MEI4: variants seen among roughly 807,000 people sequenced by gnomAD.
MEI4 encodes meiotic double-stranded break formation protein 4, also known as meiosis-specific protein MEI4.
MEI4 carries 27 observed loss-of-function variants against 31.4 expected under a neutral mutation model. That is an observed-to-expected ratio of 0.86 (90% CI 0.63 to 1.19). The LOEUF (loss-of-function observed/expected upper bound fraction) is 1.19, where lower values mean the gene tolerates loss of function less well. Ranked by LOEUF, MEI4 falls within the 50% of genes most tolerant of loss-of-function variation. MEI4 has a pLI of 0.00. For missense variants in MEI4, 329 were observed against 398.9 expected (o/e 0.82, Z 1.49); for synonymous variants, 122 against 145.4 (o/e 0.84, Z 1.16).
intron 4 of MEI4, among the ~76,000 whole-genome samples, chr6:77,864,645 C>T (rs1342191152): frequency 2.0e-5 from 3 of 152,112 alleles, no homozygotes; most frequent in Non-Finnish European, 4.4e-5. Context: ...GACTTTAAAA[C>T]CCCACTGTCA....
chr6:77,735,618 C>T (rs1767171809), intron 2 of MEI4, among the ~76,000 whole-genome samples: 2 of 152,042 alleles, frequency 1.3e-5, no homozygotes, highest in Admixed American at 1.3e-4. Context: ...TTGTCTGAAG[C>T]CTTCTTCTCT....
chr6:77,774,002 G>T (rs1005713575), intron 3 of MEI4, among the ~76,000 whole-genome samples: 1 of 151,962 alleles, frequency 6.6e-6, no homozygotes, highest in African/African-American at 2.4e-5. Flanking sequence ...TTATTAAAAA[G>T]ACAGATAATG....
chr6:77,741,025 T>C lies in MEI4; in HGVS notation c.233-20105T>C, dbSNP rs61442678. Among the ~76,000 whole-genome samples the C allele has an allele frequency of 5.9e-3, 898 of 152,202 alleles. 11 individuals are homozygous for C. Among genetic ancestry groups the C allele is most frequent in the African/African-American group, 0.021 (863 of 41,524 alleles). Reference sequence around the variant, plus strand: ...AGATAGCATAGACAGGGGAGATACTTTTTTTGTCTGGAGAGAGCAGGGATG... The same window carrying C: ...AGATAGCATAGACAGGGGAGATACTCTTTTTGTCTGGAGAGAGCAGGGATG... On this transcript the variant is annotated intron_variant, in intron 2 of 4. Coordinates refer to ENST00000684080, the MANE Select transcript of MEI4 (RefSeq NM_001322247.2).
chr6:77,698,449 T>G (rs1582035247), intron 2 of MEI4, among the ~76,000 whole-genome samples: 1 of 152,294 alleles, frequency 6.6e-6, no homozygotes, highest in African/African-American at 2.4e-5. Flanking sequence ...AGGAGCTCTT[T>G]TAGGGCAGGC....
intron 3 of MEI4, among the ~76,000 whole-genome samples, chr6:77,803,743 A>T (rs1405433102): frequency 6.6e-6 from 1 of 152,128 alleles, no homozygotes; most frequent in African/African-American, 2.4e-5. Flanking sequence ...TCCACTCCAG[A>T]CCCTGTTTGC....
chr6:77,910,629 C>G (rs1270298840), intron 4 of MEI4, among the ~76,000 whole-genome samples: 2 of 151,980 alleles, frequency 1.3e-5, no homozygotes, highest in Non-Finnish European at 2.9e-5. Context: ...GCCATACAGC[C>G]CAAAGTAATT....
At chr6:77,799,109 G>A (rs376400953) in intron 3 of MEI4, among the ~76,000 whole-genome samples, 32 of 152,198 alleles carry the variant, frequency 2.1e-4, no homozygotes, top group Middle Eastern at 3.4e-3. Context: ...AGTCCCACCA[G>A]CAGTGTCAAA....
chr6:77,856,470 G>T (rs1470464345), intron 4 of MEI4, among the ~76,000 whole-genome samples: 2 of 152,118 alleles, frequency 1.3e-5, no homozygotes, highest in African/African-American at 4.8e-5. Flanking sequence ...GGAAGGACAG[G>T]CTTCATGAAA....
chr6:77,900,365 G>T (rs941387477), intron 4 of MEI4, among the ~76,000 whole-genome samples: 14 of 151,876 alleles, frequency 9.2e-5, no homozygotes, highest in South Asian at 2.1e-4. Flanking sequence ...AAATATAGTT[G>T]TAACTTTTTA....
intron 2 of MEI4, among the ~76,000 whole-genome samples, chr6:77,718,877 CTT>C (rs1766647447): frequency 1.5e-5 from 2 of 137,164 alleles, no homozygotes; most frequent in Non-Finnish European, 3.2e-5. Flanking sequence ...CTTACGATCT[CTT>C]GTTTCTAAAG....
intron 2 of MEI4, among the ~76,000 whole-genome samples, chr6:77,760,325 G>A (rs953814234): frequency 1.3e-5 from 2 of 151,980 alleles, no homozygotes; most frequent in Admixed American, 6.6e-5. Context: ...TTTTATGTGT[G>A]TATGTGCATA....
intron 2 of MEI4, among the ~76,000 whole-genome samples, chr6:77,692,868 A>G (rs1582028220): frequency 6.6e-6 from 1 of 152,024 alleles, no homozygotes; most frequent in African/African-American, 2.4e-5. Flanking sequence ...AGAGAGGATG[A>G]GCATGCTAGA....
At chr6:77,710,402 G>T (rs1399459935) in intron 2 of MEI4, among the ~76,000 whole-genome samples, 2 of 151,326 alleles carry the variant, frequency 1.3e-5, no homozygotes, top group African/African-American at 4.9e-5. Flanking sequence ...CGCACCTGTA[G>T]TCCCAGCTAC....
At chr6:77,791,743 A>G (rs184686146) in intron 3 of MEI4, among the ~76,000 whole-genome samples, 21 of 152,090 alleles carry the variant, frequency 1.4e-4, no homozygotes, top group African/African-American at 5.1e-4. Context: ...TGACAGTGTT[A>G]TTATTTCACA....
chr6:77,778,182 G>A, intron 3 of MEI4, among the ~76,000 whole-genome samples: 1 of 150,752 alleles, frequency 6.6e-6, no homozygotes, highest in African/African-American at 2.4e-5. Flanking sequence ...GGGGAGAGAG[G>A]GAGAAAAGGG....
chr6:77,669,707 T>C (rs1052795653), intron 1 of MEI4, among the ~76,000 whole-genome samples: 22 of 152,214 alleles, frequency 1.4e-4, no homozygotes, highest in Non-Finnish European at 4.4e-5. Context: ...AGCTAAACTT[T>C]GCAAGTTCTT....
chr6:77,883,743 T>TATAA (rs1194476390), intron 4 of MEI4, among the ~76,000 whole-genome samples: 1 of 131,718 alleles, frequency 7.6e-6, no homozygotes, highest in Non-Finnish European at 1.5e-5. Flanking sequence ...TATATATATA[T>TATAA]AACTTTGTCT....
At chr6:77,800,499 G>C (rs1769220471) in intron 3 of MEI4, among the ~76,000 whole-genome samples, 1 of 152,084 alleles carries the variant, frequency 6.6e-6, no homozygotes, top group Non-Finnish European at 1.5e-5. Flanking sequence ...CCTTCTGCCT[G>C]ATTGCCATGG....
At chr6:77,811,982 A>G (rs1044230364) in intron 3 of MEI4, among the ~76,000 whole-genome samples, 3 of 152,170 alleles carry the variant, frequency 2.0e-5, no homozygotes, top group African/African-American at 7.2e-5. Context: ...TAATAAACTT[A>G]TAGTACATAA....
Sources: allele counts gnomAD v4.1 joint callset (sites outside exome capture counted in the v4.1 genomes callset), GRCh38; gene constraint gnomAD v4.1.1; transcripts MANE v1.5; gene names NCBI Gene and HGNC (gene_info 2026-07-23, HGNC 2026-07-21).